RAP1GDS1: variants seen among roughly 807,000 people sequenced by gnomAD.
The protein encoded by RAP1GDS1 is RAP1, GTP-GDP dissociation stimulator 1.
In RAP1GDS1, 35 loss-of-function variants were observed where a neutral mutation model predicts 71.1. The observed-to-expected ratio is 0.49, with a 90% CI of 0.38 to 0.65. The LOEUF (loss-of-function observed/expected upper bound fraction) is 0.65. RAP1GDS1 is among the 30% of genes least tolerant of loss of function. The probability of loss-of-function intolerance (pLI) is 0.00; values close to 1 mark genes in which losing one functional copy is unlikely to be tolerated. For synonymous variants in RAP1GDS1, 229 were observed against 243.1 expected, an observed-to-expected ratio of 0.94 and a Z score of 0.54; for missense variants, 663 against 706.1, an observed-to-expected ratio of 0.94 and a Z score of 0.69.
intron 1 of RAP1GDS1, among the ~76,000 whole-genome samples, chr4:98,285,827 T>A (rs1012481061): frequency 2.5e-4 from 32 of 128,772 alleles, no homozygotes; most frequent in South Asian, 2.5e-4. Flanking sequence ...TAATAAATAA[T>A]TATAAATAAA....
chr4:98,262,735 G>A (rs1442145997), intron 1 of RAP1GDS1, among the ~76,000 whole-genome samples: 2 of 152,156 alleles, frequency 1.3e-5, no homozygotes, highest in Non-Finnish European at 2.9e-5. Context: ...TGTTAATACA[G>A]TGCTCAACAC....
chr4:98,378,307 T>C (rs1460591229), intron 4 of RAP1GDS1, among the ~76,000 whole-genome samples: 1 of 151,932 alleles, frequency 6.6e-6, no homozygotes, highest in African/African-American at 2.4e-5. Flanking sequence ...GATGGACACA[T>C]AATGGAAGTT....
At chr4:98,395,024 G>T (rs143728262) in intron 6 of RAP1GDS1, among the ~76,000 whole-genome samples, 1 of 152,040 alleles carries the variant, frequency 6.6e-6, no homozygotes, top group African/African-American at 2.4e-5. Context: ...ACATGACTTA[G>T]TGGATCTCTG....
chr4:98,319,074 C>T (rs908620076), intron 2 of RAP1GDS1, among the ~76,000 whole-genome samples: 2 of 152,148 alleles, frequency 1.3e-5, no homozygotes, highest in Non-Finnish European at 2.9e-5. Flanking sequence ...TGCCTCTGTA[C>T]ATTAAGTATG....
chr4:98,339,882 C>A (rs765156446), intron 2 of RAP1GDS1, among the ~76,000 whole-genome samples: 4 of 151,904 alleles, frequency 2.6e-5, no homozygotes, highest in African/African-American at 4.8e-5. Context: ...AATAGTTCAG[C>A]CATTGTGGAA....
At chr4:98,371,769 T>C (rs1226183300) in intron 4 of RAP1GDS1, among the ~76,000 whole-genome samples, 3 of 152,194 alleles carry the variant, frequency 2.0e-5, no homozygotes, top group Non-Finnish European at 4.4e-5. Context: ...ATACCGCTTT[T>C]TCTGATGTCT....
At chr4:98,382,966 A>G (rs1742221261) in intron 5 of RAP1GDS1, among the ~76,000 whole-genome samples, 1 of 151,658 alleles carries the variant, frequency 6.6e-6, no homozygotes, top group Non-Finnish European at 1.5e-5. Flanking sequence ...AATTTCCCAT[A>G]GGTGATCCAC....
chr4:98,367,593 G>T (rs765020998), intron 4 of RAP1GDS1, among the ~76,000 whole-genome samples: 1 of 152,198 alleles, frequency 6.6e-6, no homozygotes, highest in Non-Finnish European at 1.5e-5. Flanking sequence ...CAGGATGGGG[G>T]CTATACCCTG....
chr4:98,308,031 A>G (rs28667784), intron 2 of RAP1GDS1, among the ~76,000 whole-genome samples: 22,324 of 151,496 alleles, frequency 0.15, 2,453 homozygotes, highest in African/African-American at 0.31. Context: ...AGTGGCTCAT[A>G]CCTGTAATCC....
rs150014043 is a variant in RAP1GDS1 at position 98,264,729 on chromosome 4, T to C, written c.4+3160T>C. Among the ~76,000 whole-genome samples the C allele has an allele frequency of 2.3e-4, 35 of 152,290 alleles. No individual in the cohort carries two copies. The East Asian group carries it at 4.8e-3, about 21-fold the overall frequency. On this transcript the variant is annotated intron_variant, in intron 1 of 14. Transcript: ENST00000408927. ...AGATTCAGAGAATGGAGAGAACGTTTTAGAGAAATGGTGTTATTTGAACCA... is the reference window on the plus strand; with the variant it reads ...AGATTCAGAGAATGGAGAGAACGTTCTAGAGAAATGGTGTTATTTGAACCA...
intron 12 of RAP1GDS1, among the ~76,000 whole-genome samples, chr4:98,430,334 A>G (rs1038585875): frequency 2.6e-5 from 4 of 152,262 alleles, no homozygotes; most frequent in African/African-American, 9.6e-5. Context: ...GCTGCTAAGC[A>G]GCCAAGGAGC....
intron 2 of RAP1GDS1, among the ~76,000 whole-genome samples, chr4:98,308,402 T>C (rs1490877050): frequency 6.8e-6 from 1 of 147,142 alleles, no homozygotes; most frequent in Admixed American, 6.9e-5. Context: ...CATAGAAGTT[T>C]GAGGCTGCAG....
In RAP1GDS1 at chr4:98,279,225, AAAAC is replaced by A. The variant is rs529126782; in HGVS notation, c.5-14163_5-14160del. On this transcript the variant is annotated intron_variant, in intron 1 of 14. Transcript: ENST00000408927. ...GGCGACAGAGCAAGACTCTGTCTTA[AAAAC>A]AAACAAACAAACAAACAAAAATAAT... Among the ~76,000 whole-genome samples, 504 of 152,158 alleles carry A rather than the reference AAAAC, an allele frequency of 3.3e-3. 2 individuals carry two copies. The highest frequency in any genetic ancestry group is 0.011 in the African/African-American group (471 of 41,500).
intron 4 of RAP1GDS1, among the ~76,000 whole-genome samples, chr4:98,377,438 A>G (rs1183603564): frequency 6.6e-6 from 1 of 151,878 alleles, no homozygotes; most frequent in Non-Finnish European, 1.5e-5. Context: ...TGGTTCATCT[A>G]GCTAGTTACT....
chr4:98,386,116 T>C (rs1330725238), intron 5 of RAP1GDS1, among the ~76,000 whole-genome samples: 1 of 151,574 alleles, frequency 6.6e-6, no homozygotes, highest in African/African-American at 2.4e-5. Flanking sequence ...AAGCGTAGAG[T>C]TTTCTTTAAT....
At chr4:98,310,491 A>T (rs1184441212) in intron 2 of RAP1GDS1, among the ~76,000 whole-genome samples, 1 of 152,178 alleles carries the variant, frequency 6.6e-6, no homozygotes, top group African/African-American at 2.4e-5. Context: ...AAAGGAAATG[A>T]TCTGATTCCA....
At chr4:98,351,851 G>T (rs545820010) in intron 3 of RAP1GDS1, among the ~76,000 whole-genome samples, 12 of 151,868 alleles carry the variant, frequency 7.9e-5, no homozygotes, top group Non-Finnish European at 1.5e-4. Context: ...TAAATGTATG[G>T]GTATAGCAGC....
At chr4:98,351,700 GA>G (rs144276909) in intron 3 of RAP1GDS1, among the ~76,000 whole-genome samples, 124 of 138,814 alleles carry the variant, frequency 8.9e-4, no homozygotes, top group Admixed American at 1.3e-3. Flanking sequence ...ATGAGACACT[GA>G]AAAAAAAAAA....
chr4:98,422,643 A>G (rs1389854917), intron 12 of RAP1GDS1, among the ~76,000 whole-genome samples: 2 of 152,224 alleles, frequency 1.3e-5, no homozygotes, highest in African/African-American at 4.8e-5. Flanking sequence ...TAGAACAGAT[A>G]AGAAGAAGAT....
Sources: allele counts gnomAD v4.1 joint callset (sites outside exome capture counted in the v4.1 genomes callset), GRCh38; gene constraint gnomAD v4.1.1; transcripts MANE v1.5; gene names NCBI Gene and HGNC (gene_info 2026-07-23, HGNC 2026-07-21).